The following DCC variants were observed in gnomAD, a reference collection of about 807,000 sequenced individuals.
DCC encodes DCC netrin 1 receptor.
In DCC, 58 loss-of-function variants were observed where a neutral mutation model predicts 172.5. That is an observed-to-expected ratio of 0.34 (90% CI 0.27 to 0.42). DCC has a LOEUF of 0.42. Among genes scored for constraint, DCC ranks in the 10% least tolerant of loss-of-function variants. The probability of loss-of-function intolerance (pLI) is 1.00; values close to 1 mark genes in which losing one functional copy is unlikely to be tolerated. For synonymous variants in DCC, 709 were observed against 644.5 expected, an observed-to-expected ratio of 1.10 and a Z score of -1.52; for missense variants, 1,740 against 1,791.0, an observed-to-expected ratio of 0.97 and a Z score of 0.51.
intron 15 of DCC, among the ~76,000 whole-genome samples, chr18:53,348,610 C>G (rs149294359): frequency 2.0e-4 from 31 of 152,194 alleles, no homozygotes; most frequent in Non-Finnish European, 2.5e-4. Flanking sequence ...TCCTTCTGCA[C>G]TGCCCTAGCA....
At chr18:52,669,130 A>T (rs1238159467) in intron 1 of DCC, among the ~76,000 whole-genome samples, 1 of 152,128 alleles carries the variant, frequency 6.6e-6, no homozygotes, top group Non-Finnish European at 1.5e-5. Context: ...TTAGGTAGGA[A>T]ATGAAATCAT....
At chr18:52,356,797 T>C (rs1984385585) in intron 1 of DCC, among the ~76,000 whole-genome samples, 1 of 152,042 alleles carries the variant, frequency 6.6e-6, no homozygotes, top group African/African-American at 2.4e-5. Context: ...CATTTTTTTT[T>C]TTTGAGTCAG....
intron 1 of DCC, among the ~76,000 whole-genome samples, chr18:52,525,815 C>T (rs914562396): frequency 1.8e-4 from 28 of 152,212 alleles, no homozygotes; most frequent in African/African-American, 3.6e-4. Context: ...AGAGAAATAA[C>T]GGAAAGATGG....
At chr18:53,191,739 T>A (rs1235521112) in intron 9 of DCC, among the ~76,000 whole-genome samples, 1 of 136,412 alleles carries the variant, frequency 7.3e-6, no homozygotes, top group African/African-American at 2.6e-5. Flanking sequence ...CATAGTTAAC[T>A]GTTTTCCTTA....
chr18:52,792,769 T>TATTCC (rs58380249), intron 2 of DCC, among the ~76,000 whole-genome samples: 6,974 of 134,400 alleles, frequency 0.052, 181 homozygotes, highest in African/African-American at 0.088. Flanking sequence ...TATTCCATTC[T>TATTCC]ATTCCATTCC....
intron 12 of DCC, among the ~76,000 whole-genome samples, chr18:53,286,358 G>A (rs1290970659): frequency 6.6e-6 from 1 of 152,100 alleles, no homozygotes; most frequent in Non-Finnish European, 1.5e-5. Flanking sequence ...GGTCTCAAGT[G>A]ACCTGACGGT....
chr18:52,539,179 T>A (rs766883784), intron 1 of DCC, among the ~76,000 whole-genome samples: 22 of 152,164 alleles, frequency 1.4e-4, no homozygotes, highest in Non-Finnish European at 3.2e-4. Context: ...GGGGCTTAAT[T>A]TAAACTGTAG....
At chr18:53,281,574 C>A (rs2056872461) in intron 12 of DCC, among the ~76,000 whole-genome samples, 1 of 152,084 alleles carries the variant, frequency 6.6e-6, no homozygotes, top group African/African-American at 2.4e-5. Context: ...GACTTGTGTC[C>A]TTTTGCTAGC....
chr18:53,163,262 AT>A (rs5824993), intron 8 of DCC, among the ~76,000 whole-genome samples: 40 of 152,154 alleles, frequency 2.6e-4, no homozygotes, highest in African/African-American at 8.7e-4. Context: ...TTCTCGATAG[AT>A]TTTTTTCTTA....
At chr18:52,567,641 G>A (rs2033190311) in intron 1 of DCC, among the ~76,000 whole-genome samples, 1 of 152,162 alleles carries the variant, frequency 6.6e-6, no homozygotes, top group South Asian at 2.1e-4. Context: ...AGTATGGAAT[G>A]ATAGACAACA....
intron 1 of DCC, among the ~76,000 whole-genome samples, chr18:52,700,048 CA>C (rs34893826): frequency 0.072 from 10,160 of 140,472 alleles, 1,043 homozygotes; most frequent in African/African-American, 0.25. Flanking sequence ...TCTGTTTATG[CA>C]AAAAAAAAAA....
At chr18:52,990,258 C>T (rs755530541) in intron 5 of DCC, among the ~76,000 whole-genome samples, 1 of 151,866 alleles carries the variant, frequency 6.6e-6, no homozygotes, top group African/African-American at 2.4e-5. Flanking sequence ...ATAAGCAAAG[C>T]GGGCAGGCGC....
intron 12 of DCC, among the ~76,000 whole-genome samples, chr18:53,247,329 T>A (rs1393364374): frequency 6.6e-6 from 1 of 151,936 alleles, no homozygotes; most frequent in East Asian, 1.9e-4. Context: ...GAAGACACCG[T>A]GTGGTGAGTA....
At chr18:53,406,668 C>A (rs1237599857) in intron 19 of DCC, among the ~76,000 whole-genome samples, 1 of 142,132 alleles carries the variant, frequency 7.0e-6, no homozygotes, top group Non-Finnish European at 1.5e-5. Context: ...CCAGCTATTG[C>A]ATTCCAGCCC....
intron 2 of DCC, among the ~76,000 whole-genome samples, chr18:52,875,222 A>G (rs1360415612): frequency 7.9e-6 from 1 of 125,878 alleles, no homozygotes; most frequent in Non-Finnish European, 1.8e-5. Context: ...AACACACAAC[A>G]GCGAAACTTT....
chr18:52,907,313 T>G (rs60738453), intron 3 of DCC, among the ~76,000 whole-genome samples: 4 of 48,254 alleles, frequency 8.3e-5, no homozygotes, highest in Admixed American at 2.0e-4. Flanking sequence ...TATACATATG[T>G]ATATGTATAT....
At chr18:52,505,153 T>G (rs2031184110) in intron 1 of DCC, among the ~76,000 whole-genome samples, 1 of 152,114 alleles carries the variant, frequency 6.6e-6, no homozygotes, top group South Asian at 2.1e-4. Flanking sequence ...GCAAATTAAG[T>G]TTGTCGAAAT....
At position 53,534,885 on chromosome 18, in the gene DCC, G is replaced by T. The variant is rs1474642484; in HGVS notation, c.*4232G>T. 1 of 152,170 alleles carries T rather than the reference G, an allele frequency of 6.6e-6. No individual in the cohort carries two copies. The highest frequency in any genetic ancestry group is 2.4e-5 in the African/African-American group (1 of 41,438). 9.4% of individuals were successfully genotyped at this position (152,170 alleles called of 1,614,324 possible). A position where few individuals can be genotyped will look rare whatever the true frequency, so the allele number is the denominator to read the frequency against. On this transcript the variant is annotated 3_prime_UTR_variant, in exon 29 of 29. Coordinates refer to ENST00000442544, the MANE Select transcript of DCC (RefSeq NM_005215.4). ...ACGTTCACGTGGCAGACTTCCAGTT[G>T]CACTCTCTGAAGGACTTTTTTCTCT...
chr18:53,221,386 G>A (rs985130843), intron 12 of DCC, among the ~76,000 whole-genome samples: 3 of 152,136 alleles, frequency 2.0e-5, no homozygotes, highest in South Asian at 2.1e-4. Context: ...CTATCCAGCC[G>A]TCTCATTTTA....
Sources: gnomAD v4.1 joint callset for allele counts (sites outside exome capture counted in the v4.1 genomes callset) on GRCh38, gnomAD v4.1.1 for gene constraint, MANE v1.5 for transcripts, NCBI Gene and HGNC (gene_info 2026-07-23, HGNC 2026-07-21) for gene names.